The following NRL variants were observed in gnomAD, a reference collection of about 807,000 sequenced individuals.
NRL encodes the protein neural retina-specific leucine zipper protein.
NRL carries 16 observed loss-of-function variants against 12.5 expected under a neutral mutation model. That is an observed-to-expected ratio of 1.28 (90% CI 0.87 to 1.95). The LOEUF (loss-of-function observed/expected upper bound fraction) is 1.95, where lower values mean the gene tolerates loss of function less well. NRL is among the 30% of genes most tolerant of loss of function. NRL has a pLI of 0.00. For synonymous variants in NRL, 142 were observed against 150.9 expected, an observed-to-expected ratio of 0.94 and a Z score of 0.43; for missense variants, 314 against 325.8, an observed-to-expected ratio of 0.96 and a Z score of 0.28.
At chr14:24,111,882 G>A (rs1422775244) in intron 1 of NRL, among the ~76,000 whole-genome samples, 1 of 122,576 alleles carries the variant, frequency 8.2e-6, no homozygotes, top group Non-Finnish European at 1.7e-5. Context: ...TGTTGAATAG[G>A]AGCGGTGAGA....
intron 1 of NRL, chr14:24,103,574 C>T (rs552228152): frequency 1.3e-6 from 2 of 1,599,070 alleles, no homozygotes; most frequent in East Asian, 2.2e-5. Flanking sequence ...TCGGGCACTA[C>T]CTGGAACACT....
chr14:24,084,333 G>A (rs1433782866), intron 1 of NRL, among the ~76,000 whole-genome samples: 1 of 152,230 alleles, frequency 6.6e-6, no homozygotes, highest in African/African-American at 2.4e-5. Context: ...ATGTACAGAA[G>A]GAGTAGTGGG....
intron 1 of NRL, chr14:24,097,104 G>A (rs2138940435): frequency 1.9e-6 from 3 of 1,613,926 alleles, no homozygotes; most frequent in Non-Finnish European, 2.5e-6. Flanking sequence ...GAGCAGCAGG[G>A]CCTCATCCGA....
At chr14:24,089,580 C>T (rs976483598) in intron 1 of NRL, among the ~76,000 whole-genome samples, 33 of 152,302 alleles carry the variant, frequency 2.2e-4, no homozygotes, top group Non-Finnish European at 4.3e-4. Context: ...GTTTGAGGGC[C>T]TCTATTTGTA....
At chr14:24,111,614 G>C (rs959737490) in intron 1 of NRL, among the ~76,000 whole-genome samples, 1 of 151,370 alleles carries the variant, frequency 6.6e-6, no homozygotes, top group Non-Finnish European at 1.5e-5. Flanking sequence ...TGATCCACCC[G>C]CCTTGGCCTC....
At chr14:24,096,569 G>A (rs896466522) in intron 1 of NRL, among the ~76,000 whole-genome samples, 1 of 152,136 alleles carries the variant, frequency 6.6e-6, no homozygotes, top group African/African-American at 2.4e-5. Context: ...TGATTAAACA[G>A]TTAAACATGG....
chr14:24,111,055 C>T (rs1594323349), intron 1 of NRL, among the ~76,000 whole-genome samples: 2 of 152,184 alleles, frequency 1.3e-5, no homozygotes, highest in East Asian at 3.8e-4. Context: ...AATCATGGCT[C>T]ACTGCAGCCT....
intron 1 of NRL, chr14:24,103,891 AG>A (rs773403806): frequency 6.2e-7 from 1 of 1,614,172 alleles, no homozygotes; most frequent in Non-Finnish European, 8.5e-7. Context: ...CTGACAGAGC[AG>A]GTCAACCAGG....
rs2036195116 is a variant in NRL, at chr14:24,078,818, T to G, written c.*2418A>C. On this transcript the variant is annotated 3_prime_UTR_variant, in exon 3 of 3. Coordinates refer to ENST00000561028, the MANE Select transcript of NRL (RefSeq NM_001354768.3). ...TCAAAAAACTGGTAGAACTGCAACT[T>G]GAAACAGGGTCTCACTCTGCCACCC... 6.6e-6 allele frequency among the ~76,000 whole-genome samples: 1 copy of G among 152,104 alleles called. No individual in the cohort carries two copies.
intron 1 of NRL, among the ~76,000 whole-genome samples, chr14:24,093,727 G>A (rs980504757): frequency 3.9e-5 from 6 of 152,270 alleles, no homozygotes; most frequent in African/African-American, 1.4e-4. Context: ...CAGATCAGAG[G>A]ACCAAGGAAG....
chr14:24,099,852 A>C, intron 1 of NRL: 1 of 1,548,026 alleles, frequency 6.5e-7, no homozygotes. Context: ...TTCCTCTGGC[A>C]GCCCAGCCAC....
At chr14:24,095,540 C>T (rs888187536) in intron 1 of NRL, among the ~76,000 whole-genome samples, 1 of 152,168 alleles carries the variant, frequency 6.6e-6, no homozygotes, top group African/African-American at 2.4e-5. Context: ...TCTGAGCTGC[C>T]AGCAAGCTGC....
rs1191439752 is a variant in NRL at position 24,084,509 on chromosome 14, G to GAT, written c.-27-1636_-27-1635dup. ...CGGCCTGACACCCAGGTAGGCCCTGGATATACTCACTTCAGAAATGGCCGA... is the reference window on the plus strand; with the variant it reads ...CGGCCTGACACCCAGGTAGGCCCTGGATATATACTCACTTCAGAAATGGCCGA... On this transcript the variant is annotated intron_variant, in intron 1 of 2. Transcript: ENST00000561028. 3.0e-6 allele frequency: 3 copies of GAT among 983,860 alleles called. No homozygotes were observed. In the African/African-American group the frequency reaches 5.2e-5, roughly 17 times the overall value. The allele number at this position is 983,860 out of a possible 1,614,324, so 60.9% of individuals were successfully genotyped here.
intron 1 of NRL, among the ~76,000 whole-genome samples, chr14:24,083,314 G>C (rs989541013): frequency 1.3e-5 from 2 of 152,238 alleles, no homozygotes; most frequent in Non-Finnish European, 2.9e-5. Context: ...CATGTATGCT[G>C]TGAATTTTAA....
Position 24,103,526 on chromosome 14 carries a change from C to T in NRL, c.-28+11196G>A, listed in dbSNP as rs200462967. ...CCCCCCCAGGGAAGATCATCATGCA[C>T]GACCCATTTGCCATGCGGCCCTTTT... On this transcript the variant is annotated intron_variant, in intron 1 of 2. Transcript: ENST00000561028. 5.0e-5 allele frequency: 77 copies of T among 1,554,850 alleles called. No homozygotes were observed. In the East Asian group the frequency reaches 1.3e-3, roughly 26 times the overall value.
chr14:24,104,185 G>C, intron 1 of NRL: 3 of 559,298 alleles, frequency 5.4e-6, no homozygotes, highest in Admixed American at 3.1e-5. Context: ...TCTAACACCT[G>C]TCTCACAATC....
rs2036263519 is a variant in NRL at position 24,081,001 on chromosome 14, T to C, written c.*235A>G. 7.8e-6 allele frequency: 3 copies of C among 386,870 alleles called. No individual in the cohort carries two copies. Among genetic ancestry groups the C allele is most frequent in the South Asian group, 1.1e-4 (1 of 8,780 alleles). 24.0% of individuals were successfully genotyped at this position (386,870 alleles called of 1,614,324 possible). On this transcript the variant is annotated 3_prime_UTR_variant, in exon 3 of 3. Transcript: ENST00000561028. The surrounding 1 kb of genome is among the most constrained non-coding windows in gnomAD (Gnocchi z 4.4). ...CCTGCAGAGCTCAGCGTGCTAGTCA[T>C]GTGGGCTGGGTTTCTGTGTTCGTAA... is the stretch of plus-strand genomic sequence containing the variant.
intron 1 of NRL, among the ~76,000 whole-genome samples, chr14:24,109,714 A>C (rs868806476): frequency 0.02 from 3,008 of 151,942 alleles, 97 homozygotes; most frequent in African/African-American, 0.07. Context: ...AAAAAAAAAA[A>C]ATCTTTTATA....
intron 1 of NRL, among the ~76,000 whole-genome samples, chr14:24,100,884 G>A (rs1398344848): frequency 6.6e-6 from 1 of 152,134 alleles, no homozygotes; most frequent in Non-Finnish European, 1.5e-5. Context: ...ATTACCCTGG[G>A]CGCCTGGGAG....
Sources: gnomAD v4.1 joint callset for allele counts (sites outside exome capture counted in the v4.1 genomes callset) on GRCh38, gnomAD v4.1.1 for gene constraint, Gnocchi (gnomAD v3.1) non-coding constraint, MANE v1.5 for transcripts, NCBI Gene and HGNC (gene_info 2026-07-23, HGNC 2026-07-21) for gene names.